The following RERE variants were observed in gnomAD, a reference collection of about 807,000 sequenced individuals.
The protein encoded by RERE is arginine-glutamic acid dipeptide repeats.
RERE carries 40 observed loss-of-function variants against 146.1 expected under a neutral mutation model. That is an observed-to-expected ratio of 0.27 (90% confidence interval 0.21 to 0.36). RERE has a LOEUF of 0.36. Among genes scored for constraint, RERE ranks in the 10% least tolerant of loss-of-function variants. The pLI, the probability that RERE is intolerant of heterozygous loss-of-function variation, is 1.00. For missense variants in RERE, 1,933 were observed against 2,138.7 expected (o/e 0.90, Z 1.90); for synonymous variants, 1,003 against 866.0 (o/e 1.16, Z -2.78).
Position 8,491,246 on chromosome 1 carries a change from G to T in RERE, c.1104+3817C>A, listed in dbSNP as rs60575040. ...ACCTGAGATCGGGAGTTCGAGACCA[G>T]CCTGACCAACATGGCGAAACCCTGT... On this transcript the variant is annotated intron_variant, in intron 10 of 22. Coordinates refer to ENST00000400908, the MANE Select transcript of RERE (RefSeq NM_001042681.2). 2.4e-3 allele frequency among the ~76,000 whole-genome samples: 347 copies of T among 143,498 alleles called. 11 individuals carry two copies. Among genetic ancestry groups the T allele is most frequent in the African/African-American group, 9.8e-3 (325 of 33,280 alleles). 94.1% of individuals were successfully genotyped at this position (143,498 alleles called of 152,430 possible). A position where few individuals can be genotyped will look rare whatever the true frequency, so the allele number is the denominator to read the frequency against.
At chr1:8,603,884 G>A (rs1570497340) in intron 4 of RERE, among the ~76,000 whole-genome samples, 1 of 143,690 alleles carries the variant, frequency 7.0e-6, no homozygotes, top group South Asian at 2.2e-4. Context: ...AGGCTGTAGT[G>A]AGCCCTGAAC....
rs375357243 is a variant in RERE, at chr1:8,771,794, C to T, written c.-145+45366G>A. 1.3e-4 allele frequency among the ~76,000 whole-genome samples: 20 copies of T among 150,542 alleles called. No individual in the cohort carries two copies. In the Middle Eastern group the frequency reaches 0.01, roughly 77 times the overall value. On this transcript the variant is annotated intron_variant, in intron 1 of 22. Transcript: ENST00000400908. ...GCGCGGTGGCGGGTGCCTGTAGTCC[C>T]AGCTACTCGGGAGGCAGAGGCAGGA...
chr1:8,600,795 C>T (rs1382580968), intron 4 of RERE, among the ~76,000 whole-genome samples: 2 of 143,752 alleles, frequency 1.4e-5, no homozygotes. Context: ...TGCTGTGTCA[C>T]CCAGGCTGGA....
intron 3 of RERE, among the ~76,000 whole-genome samples, chr1:8,620,228 G>A (rs1327963789): frequency 6.6e-6 from 1 of 152,164 alleles, no homozygotes; most frequent in Non-Finnish European, 1.5e-5. Flanking sequence ...AGCCAGGTGA[G>A]AGCTCTTTAC....
chr1:8,649,866 T>A (rs1647523839), intron 2 of RERE, among the ~76,000 whole-genome samples: 1 of 152,060 alleles, frequency 6.6e-6, no homozygotes, highest in African/African-American at 2.4e-5. Context: ...GACTTATTAA[T>A]CCTAATAAAA....
chr1:8,399,234 T>C (rs1643164984), intron 12 of RERE, among the ~76,000 whole-genome samples: 1 of 152,134 alleles, frequency 6.6e-6, no homozygotes, highest in Admixed American at 6.6e-5. Flanking sequence ...TATAGATAAA[T>C]ATATTATCAT....
intron 10 of RERE, among the ~76,000 whole-genome samples, chr1:8,494,077 G>A (rs1308946534): frequency 6.6e-6 from 1 of 152,198 alleles, no homozygotes; most frequent in African/African-American, 2.4e-5. Context: ...CTGAGCTGCT[G>A]TGTGTTTATT....
chr1:8,435,468 A>T (rs1644157111), intron 11 of RERE, among the ~76,000 whole-genome samples: 1 of 152,160 alleles, frequency 6.6e-6, no homozygotes, highest in Non-Finnish European at 1.5e-5. Flanking sequence ...AACGTCTCTT[A>T]ATATATATTC....
chr1:8,393,349 T>C (rs1362243696), intron 12 of RERE, among the ~76,000 whole-genome samples: 3 of 152,164 alleles, frequency 2.0e-5, no homozygotes, highest in African/African-American at 4.8e-5. Context: ...GCGTGGCCTG[T>C]GTGACTGGGG....
intron 1 of RERE, among the ~76,000 whole-genome samples, chr1:8,802,795 T>G (rs1483668166): frequency 6.6e-6 from 1 of 151,964 alleles, no homozygotes. Flanking sequence ...AAGCATATAA[T>G]AAAAAGAAAG....
At chr1:8,733,167 T>TA (rs1386398203) in intron 1 of RERE, among the ~76,000 whole-genome samples, 89 of 151,274 alleles carry the variant, frequency 5.9e-4, no homozygotes, top group African/African-American at 1.6e-3. Context: ...AAAGTTTATT[T>TA]AAAAAAAAAG....
At chr1:8,577,669 C>T (rs1432566155) in intron 4 of RERE, among the ~76,000 whole-genome samples, 1 of 152,192 alleles carries the variant, frequency 6.6e-6, no homozygotes, top group African/African-American at 2.4e-5. Flanking sequence ...AATATGAGAT[C>T]TAGAGTATCT....
chr1:8,807,217 A>G (rs958779960), intron 1 of RERE, among the ~76,000 whole-genome samples: 2 of 152,064 alleles, frequency 1.3e-5, no homozygotes, highest in East Asian at 1.9e-4. Flanking sequence ...ACGCCTGGCT[A>G]ATTTTTAATT....
intron 2 of RERE, among the ~76,000 whole-genome samples, chr1:8,625,431 ACAGT>A (rs1215457977): frequency 2.6e-5 from 4 of 152,214 alleles, no homozygotes; most frequent in Non-Finnish European, 5.9e-5. Context: ...AAGTAAAGGC[ACAGT>A]CAATGAAATC....
intron 1 of RERE, among the ~76,000 whole-genome samples, chr1:8,781,909 A>G (rs1641172299): frequency 6.6e-6 from 1 of 152,154 alleles, no homozygotes; most frequent in Non-Finnish European, 1.5e-5. Flanking sequence ...AGCAGTTTTT[A>G]AATTGCAGGT....
intron 1 of RERE, among the ~76,000 whole-genome samples, chr1:8,751,951 CA>C (rs34734074): frequency 0.76 from 99,150 of 131,148 alleles, 36,414 homozygotes; most frequent in East Asian, 0.93. Context: ...TTTAAGATTG[CA>C]AAAAAAAAAA....
At chr1:8,520,420 A>G (rs1359702692) in intron 7 of RERE, among the ~76,000 whole-genome samples, 3 of 152,206 alleles carry the variant, frequency 2.0e-5, no homozygotes, top group Admixed American at 1.3e-4. Flanking sequence ...GAATAATAAG[A>G]ATTTCCATGC....
intron 10 of RERE, among the ~76,000 whole-genome samples, chr1:8,477,141 T>C (rs1644766567): frequency 1.3e-5 from 2 of 152,362 alleles, no homozygotes; most frequent in African/African-American, 4.8e-5. Flanking sequence ...ATTAATCATT[T>C]ACATAGTTAA....
chr1:8,673,565 T>C (rs926995157), intron 1 of RERE, among the ~76,000 whole-genome samples: 2 of 152,228 alleles, frequency 1.3e-5, no homozygotes, highest in African/African-American at 4.8e-5. Flanking sequence ...GTCTATGTCA[T>C]GGGTTTTCAA....
Sources: gnomAD v4.1 joint callset for allele counts (sites outside exome capture counted in the v4.1 genomes callset) on GRCh38, gnomAD v4.1.1 for gene constraint, MANE v1.5 for transcripts, NCBI Gene and HGNC (gene_info 2026-07-23, HGNC 2026-07-21) for gene names.